Variants in ALOX5AP observed in about 807,000 individuals in gnomAD.
The protein encoded by ALOX5AP is arachidonate 5-lipoxygenase-activating protein.
A neutral mutation model predicts 18.5 loss-of-function variants in ALOX5AP; 9 were observed. The ratio of observed to expected loss-of-function variants is 0.49; its 90% CI spans 0.29 to 0.85. ALOX5AP has a LOEUF of 0.85. ALOX5AP is among the 40% of genes least tolerant of loss of function. The pLI, the probability that ALOX5AP is intolerant of heterozygous loss-of-function variation, is 0.08. For synonymous variants in ALOX5AP, 81 were observed against 78.6 expected, an observed-to-expected ratio of 1.03 and a Z score of -0.16; for missense variants, 172 against 202.5, an observed-to-expected ratio of 0.85 and a Z score of 0.91.
chr13:30,737,171 C>G (rs909697767), intron 1 of ALOX5AP, among the ~76,000 whole-genome samples: 3 of 152,238 alleles, frequency 2.0e-5, no homozygotes, highest in African/African-American at 4.8e-5. Flanking sequence ...GACCTTGTGC[C>G]CCCTCCCTGC....
intron 1 of ALOX5AP, among the ~76,000 whole-genome samples, chr13:30,741,621 C>A (rs1951766233): frequency 7.3e-6 from 1 of 137,500 alleles, no homozygotes; most frequent in African/African-American, 2.7e-5. Flanking sequence ...GTTGGCCTGG[C>A]TGGTCTTGAA....
intron 1 of ALOX5AP, among the ~76,000 whole-genome samples, chr13:30,727,734 T>C (rs573448310): frequency 1.6e-4 from 25 of 152,310 alleles, no homozygotes; most frequent in African/African-American, 5.8e-4. Flanking sequence ...CAGATTCTCC[T>C]GCAGAAAGCC....
chr13:30,735,444 A>C, upstream of ALOX5AP: 1 of 1,236,826 alleles, frequency 8.1e-7, no homozygotes, highest in Non-Finnish European at 1.1e-6. Context: ...TAAAAAAAAA[A>C]AAAAAAAAAA....
chr13:30,755,726 G>A (rs574407348), intron 3 of ALOX5AP, among the ~76,000 whole-genome samples: 23 of 152,302 alleles, frequency 1.5e-4, no homozygotes, highest in Non-Finnish European at 2.9e-4. Flanking sequence ...CGCAGGCTCC[G>A]GGTTGGACAA....
At chr13:30,749,745 G>T (rs1246063175) in intron 2 of ALOX5AP, among the ~76,000 whole-genome samples, 1 of 152,184 alleles carries the variant, frequency 6.6e-6, no homozygotes, top group East Asian at 1.9e-4. Flanking sequence ...CTGGTTTTTG[G>T]TTGTGCCTGG....
Position 30,721,137 on chromosome 13 carries a change from G to A in ALOX5AP, c.116+7296G>A, listed in dbSNP as rs191788217. Among the ~76,000 whole-genome samples, 134 of 152,238 alleles carry A rather than the reference G, an allele frequency of 8.8e-4. 1 individual carries two copies. Among genetic ancestry groups the A allele is most frequent in the African/African-American group, 1.3e-3 (52 of 41,530 alleles). Reference sequence around the variant, plus strand: ...CCCACGCTTCTTCTCTCTGCTAGCCGAACACACTTCTCTCTTCTTTATCAG... The same window carrying A: ...CCCACGCTTCTTCTCTCTGCTAGCCAAACACACTTCTCTCTTCTTTATCAG... On this transcript the variant is annotated intron_variant, in intron 1 of 5. Coordinates refer to the ALOX5AP transcript ENST00000617770.
chr13:30,745,807 G>GGAGTT (rs1951804708), intron 2 of ALOX5AP, among the ~76,000 whole-genome samples: 1 of 152,170 alleles, frequency 6.6e-6, no homozygotes, highest in Non-Finnish European at 1.5e-5. Flanking sequence ...GATGAGGCAA[G>GGAGTT]GTCAAAACTT....
At chr13:30,717,912 G>A (rs1015321057) in intron 1 of ALOX5AP, among the ~76,000 whole-genome samples, 17 of 152,090 alleles carry the variant, frequency 1.1e-4, no homozygotes, top group African/African-American at 2.9e-4. Context: ...CTGCCTTGAC[G>A]GGCAGGTGAA....
At chr13:30,713,926 G>A in intron 1 of ALOX5AP, 1 of 1,432,700 alleles carries the variant, frequency 7.0e-7, no homozygotes, top group Non-Finnish European at 9.4e-7. Flanking sequence ...CCAGGGCCAT[G>A]TTCGGTGGTT....
chr13:30,727,220 T>C (rs1017346736), intron 1 of ALOX5AP, among the ~76,000 whole-genome samples: 3 of 151,922 alleles, frequency 2.0e-5, no homozygotes, highest in African/African-American at 7.3e-5. Context: ...ATTTTTGTAT[T>C]TTTAGTAGAG....
At chr13:30,720,847 C>T (rs916339638) in intron 1 of ALOX5AP, among the ~76,000 whole-genome samples, 1 of 152,192 alleles carries the variant, frequency 6.6e-6, no homozygotes, top group African/African-American at 2.4e-5. Flanking sequence ...CTTCTCCATG[C>T]TCATCCCTAA....
intron 1 of ALOX5AP, among the ~76,000 whole-genome samples, chr13:30,719,688 G>T (rs918789092): frequency 1.3e-5 from 2 of 152,154 alleles, no homozygotes; most frequent in Admixed American, 6.5e-5. Context: ...TAGGTTGTTG[G>T]CTTCTTCTAG....
chr13:30,724,916 C>T (rs1355539448), intron 1 of ALOX5AP, among the ~76,000 whole-genome samples: 1 of 152,226 alleles, frequency 6.6e-6, no homozygotes, highest in Admixed American at 6.5e-5. Flanking sequence ...TGCTTCCCCT[C>T]AGTCTGCATC....
At chr13:30,726,101 G>T (rs1164764119) in intron 1 of ALOX5AP, among the ~76,000 whole-genome samples, 1 of 152,150 alleles carries the variant, frequency 6.6e-6, no homozygotes, top group African/African-American at 2.4e-5. Context: ...GTAACTTTGG[G>T]CTCTGCTATT....
chr13:30,724,873 G>T (rs576132948), intron 1 of ALOX5AP, among the ~76,000 whole-genome samples: 1 of 152,202 alleles, frequency 6.6e-6, no homozygotes, highest in Non-Finnish European at 1.5e-5. Flanking sequence ...TAGTACAGGC[G>T]CTTGGCCTGG....
upstream of ALOX5AP, among the ~76,000 whole-genome samples, chr13:30,731,965 A>G (rs78700156): frequency 0.01 from 1,546 of 152,312 alleles, 23 homozygotes; most frequent in African/African-American, 0.035. Flanking sequence ...GCTCTCTATT[A>G]AGATGAATGG....
At chr13:30,752,013 G>A (rs202144118) in intron 2 of ALOX5AP, 39 bp from the exon 3 acceptor site, 3 of 1,592,448 alleles carry the variant, frequency 1.9e-6, no homozygotes, top group Non-Finnish European at 1.7e-6. Context: ...CACTAACTTG[G>A]TCTCTGATTG....
At chr13:30,742,317 A>G (rs545899695) in intron 1 of ALOX5AP, 1 of 143,842 alleles carries the variant, frequency 7.0e-6, no homozygotes, top group South Asian at 2.2e-4. Context: ...CTCCGTATCT[A>G]AAAAAAAAAA....
At chr13:30,756,297 C>T (rs968352868) in intron 4 of ALOX5AP, among the ~76,000 whole-genome samples, 3 of 152,158 alleles carry the variant, frequency 2.0e-5, no homozygotes, top group Admixed American at 6.5e-5. Flanking sequence ...GTTTGCTGCA[C>T]GTGCCTTGCA....
Sources: gnomAD v4.1 joint callset for allele counts (sites outside exome capture counted in the v4.1 genomes callset) on GRCh38, gnomAD v4.1.1 for gene constraint, MANE v1.5 for transcripts, NCBI Gene and HGNC (gene_info 2026-07-23, HGNC 2026-07-21) for gene names.